Variants in PTPRM observed in about 807,000 individuals in gnomAD.
The protein encoded by PTPRM is receptor-type tyrosine-protein phosphatase mu.
A neutral mutation model predicts 186.7 loss-of-function variants in PTPRM; 47 were observed. That is an observed-to-expected ratio of 0.25 (90% CI 0.20 to 0.32). PTPRM has a LOEUF of 0.32. Among genes scored for constraint, PTPRM ranks in the 10% least tolerant of loss-of-function variants. The pLI is 1.00. For synonymous variants in PTPRM, 668 were observed against 674.9 expected, an observed-to-expected ratio of 0.99 and a Z score of 0.16; for missense variants, 1,494 against 1,865.0, an observed-to-expected ratio of 0.80 and a Z score of 3.66.
intron 23 of PTPRM, among the ~76,000 whole-genome samples, chr18:8,366,031 C>T (rs1203687127): frequency 2.0e-5 from 3 of 152,154 alleles, no homozygotes; most frequent in Admixed American, 2.0e-4. Flanking sequence ...CTGTCCCACC[C>T]CAGAAATTAT....
chr18:8,363,923 T>C (rs2095612222), intron 23 of PTPRM, among the ~76,000 whole-genome samples: 1 of 152,210 alleles, frequency 6.6e-6, no homozygotes, highest in South Asian at 2.1e-4. Context: ...TGCTTATAAG[T>C]ATTGTATGCC....
intron 11 of PTPRM, among the ~76,000 whole-genome samples, chr18:8,097,836 A>G (rs1031718607): frequency 6.6e-6 from 1 of 152,242 alleles, no homozygotes; most frequent in Non-Finnish European, 1.5e-5. Flanking sequence ...TTAAAAACAC[A>G]CAAGGTTTGA....
chr18:8,354,081 C>T (rs1246276043), intron 23 of PTPRM, among the ~76,000 whole-genome samples: 1 of 151,876 alleles, frequency 6.6e-6, no homozygotes, highest in African/African-American at 2.4e-5. Flanking sequence ...GGCGTGGTGG[C>T]GGGTGCCTGT....
At chr18:7,780,417 AGTCTTTCATTTCAG>A (rs1158463472) in intron 2 of PTPRM, among the ~76,000 whole-genome samples, 1 of 152,172 alleles carries the variant, frequency 6.6e-6, no homozygotes, top group Admixed American at 6.5e-5. Flanking sequence ...GGAAGAGGCT[AGTCTTTCATTTCAG>A]GTGCATGCAT....
intron 1 of PTPRM, among the ~76,000 whole-genome samples, chr18:7,664,627 C>T (rs1037744722): frequency 4.6e-5 from 7 of 152,034 alleles, no homozygotes; most frequent in South Asian, 2.1e-4. Context: ...TTCCTTGCAG[C>T]GTGGTGGCTG....
At chr18:7,877,981 C>A (rs1030536859) in intron 2 of PTPRM, among the ~76,000 whole-genome samples, 4 of 152,134 alleles carry the variant, frequency 2.6e-5, no homozygotes, top group African/African-American at 9.7e-5. Flanking sequence ...ATAAAATCCC[C>A]TGCTTCTTTC....
rs2094492167 is a variant in PTPRM, at chr18:8,247,836, T to A, written c.2453-9T>A. The A allele has an allele frequency of 6.3e-7, 1 of 1,583,278 alleles. No homozygotes were observed. ...TGCTGCCCCTGACCAGCCTCTCTTT[T>A]ATTTACAGCTGTGTCTTCACCATCG... On this transcript the variant is annotated splice_polypyrimidine_tract_variant and intron_variant, in intron 15 of 32. Transcript: ENST00000580170.
chr18:8,244,202 T>C lies in PTPRM; in HGVS notation c.2445T>C (p.Asn815=). The C allele has an allele frequency of 1.3e-6, 2 of 1,562,370 alleles. No homozygotes were observed. Among genetic ancestry groups the C allele is most frequent in the Non-Finnish European group, 1.7e-6 (2 of 1,161,490 alleles). Residue 815 remains asparagine (N), a synonymous_variant, in exon 15 of 33, where the codon AAT becomes AAC. Transcript: ENST00000580170. Reference sequence around the variant, plus strand: ...CATTCATGGACACGCACAATCTGAATGGGAGATGTAAGTGCATATGTTTCT... The same window carrying C: ...CATTCATGGACACGCACAATCTGAACGGGAGATGTAAGTGCATATGTTTCT... ...AFSFMDTHNL[N]GRSVSSPSSF... is the part of the protein sequence containing the mutation.
chr18:7,895,752 G>A (rs2049321766), intron 3 of PTPRM, among the ~76,000 whole-genome samples: 1 of 152,164 alleles, frequency 6.6e-6, no homozygotes, highest in Non-Finnish European at 1.5e-5. Flanking sequence ...TGTTGGACTA[G>A]GCAAAGTTTT....
At chr18:8,272,755 T>A (rs1242971180) in intron 19 of PTPRM, among the ~76,000 whole-genome samples, 1 of 152,102 alleles carries the variant, frequency 6.6e-6, no homozygotes, top group Non-Finnish European at 1.5e-5. Context: ...AAAACAATGT[T>A]GAGCACAGTG....
intron 1 of PTPRM, among the ~76,000 whole-genome samples, chr18:7,592,968 T>C (rs1437690846): frequency 6.6e-6 from 1 of 152,194 alleles, no homozygotes; most frequent in African/African-American, 2.4e-5. Flanking sequence ...ACAACCTGGA[T>C]TAGAAAAATT....
chr18:7,578,165 GATA>G lies in PTPRM; in HGVS notation c.73+10277_73+10279del, dbSNP rs564806864. Among the ~76,000 whole-genome samples, 569 of 151,894 alleles carry G rather than the reference GATA, an allele frequency of 3.7e-3. 4 individuals carry two copies. The highest frequency in any genetic ancestry group is 0.013 in the African/African-American group (533 of 41,404). The stretch of plus-strand genomic sequence containing the variant: ...TGATGATGATTATGATGATGATGAT[GATA>G]ATGATGATTTTTAGACAGGGTCTCA... On this transcript the variant is annotated intron_variant, in intron 1 of 32. Coordinates refer to ENST00000580170, the MANE Select transcript of PTPRM (RefSeq NM_001105244.2).
chr18:7,578,927 C>A (rs1456367372), intron 1 of PTPRM, among the ~76,000 whole-genome samples: 2 of 152,132 alleles, frequency 1.3e-5, no homozygotes, highest in African/African-American at 4.8e-5. Context: ...CAGATTTAAG[C>A]ATAGGAACCC....
intron 7 of PTPRM, among the ~76,000 whole-genome samples, chr18:7,982,180 G>A (rs778730360): frequency 1.3e-5 from 2 of 151,412 alleles, no homozygotes; most frequent in Non-Finnish European, 2.9e-5. Context: ...TGGCTCTTTT[G>A]TAATAACACT....
intron 23 of PTPRM, among the ~76,000 whole-genome samples, chr18:8,355,190 G>T (rs114748713): frequency 2.0e-5 from 3 of 152,136 alleles, no homozygotes; most frequent in South Asian, 2.1e-4. Flanking sequence ...GCAAAGGGAT[G>T]AAATTCCGTG....
intron 10 of PTPRM, 71 bp from the exon 11 acceptor site, chr18:8,088,678 A>G: frequency 7.8e-7 from 1 of 1,281,382 alleles, no homozygotes; most frequent in Non-Finnish European, 1.1e-6. Flanking sequence ...TCTTTGTAAA[A>G]GAAAGTGGAA....
intron 3 of PTPRM, among the ~76,000 whole-genome samples, chr18:7,892,280 A>G (rs2049121528): frequency 6.6e-6 from 1 of 152,208 alleles, no homozygotes; most frequent in African/African-American, 2.4e-5. Flanking sequence ...GGCTGCAGTC[A>G]GACGTGGAAT....
chr18:8,100,589 G>A (rs147685959), intron 11 of PTPRM, among the ~76,000 whole-genome samples: 44 of 152,096 alleles, frequency 2.9e-4, no homozygotes, highest in African/African-American at 1.1e-3. Flanking sequence ...GTTCCCAATT[G>A]GGAATTACAT....
chr18:7,804,413 G>A (rs145356756), intron 2 of PTPRM, among the ~76,000 whole-genome samples: 18 of 152,332 alleles, frequency 1.2e-4, no homozygotes, highest in African/African-American at 3.4e-4. Flanking sequence ...AGGCAACTCC[G>A]AAAGCTTGCT....
Sources: allele counts gnomAD v4.1 joint callset (sites outside exome capture counted in the v4.1 genomes callset), GRCh38; gene constraint gnomAD v4.1.1; transcripts MANE v1.5; gene names NCBI Gene and HGNC (gene_info 2026-07-23, HGNC 2026-07-21).